Variants in TEKT5 observed in about 807,000 individuals in gnomAD.
The protein encoded by TEKT5 is tektin-5.
TEKT5 carries 52 observed loss-of-function variants against 48.7 expected under a neutral mutation model. The observed-to-expected ratio is 1.07, with a 90% CI of 0.86 to 1.35. The LOEUF is 1.35. Among genes scored for constraint, TEKT5 ranks in the 40% most tolerant of loss-of-function variants. The pLI, the probability that TEKT5 is intolerant of heterozygous loss-of-function variation, is 0.00. For missense variants in TEKT5, 831 were observed against 641.6 expected, an observed-to-expected ratio of 1.30 and a Z score of -3.19; for synonymous variants, 318 against 267.6, an observed-to-expected ratio of 1.19 and a Z score of -1.84.
intron 5 of TEKT5, among the ~76,000 whole-genome samples, chr16:10,645,204 C>T (rs1898052322): frequency 6.6e-6 from 1 of 152,178 alleles, no homozygotes; most frequent in Non-Finnish European, 1.5e-5. Flanking sequence ...ATGAGACATA[C>T]TGATGTTAAA....
chr16:10,671,055 A>C (rs908958607), intron 5 of TEKT5, among the ~76,000 whole-genome samples: 5 of 152,044 alleles, frequency 3.3e-5, no homozygotes, highest in Non-Finnish European at 7.4e-5. Context: ...TGCTCTCCCC[A>C]CCTCCATTCA....
At chr16:10,636,206 C>A (rs1476098534) in intron 5 of TEKT5, among the ~76,000 whole-genome samples, 1 of 152,094 alleles carries the variant, frequency 6.6e-6, no homozygotes, top group Non-Finnish European at 1.5e-5. Context: ...GAAACCCCGT[C>A]TCTACTAAAA....
At chr16:10,640,223 A>T (rs1444820489) in intron 5 of TEKT5, among the ~76,000 whole-genome samples, 1 of 147,950 alleles carries the variant, frequency 6.8e-6, no homozygotes, top group African/African-American at 2.5e-5. Flanking sequence ...GCTCACTGCA[A>T]CCTCTGCCTC....
chr16:10,694,270 C>T (rs1183224586), intron 1 of TEKT5, 40 bp downstream of exon 1: 2 of 1,517,628 alleles, frequency 1.3e-6, no homozygotes, highest in Non-Finnish European at 1.8e-6. Flanking sequence ...GCAGTATCCC[C>T]AGGACACAGC....
At chr16:10,644,495 C>T (rs1898041222) in intron 5 of TEKT5, among the ~76,000 whole-genome samples, 1 of 152,186 alleles carries the variant, frequency 6.6e-6, no homozygotes, top group Admixed American at 6.5e-5. Flanking sequence ...GCTTAAATGT[C>T]ACCTCCAAAG....
At chr16:10,642,327 C>T (rs1898006495) in intron 5 of TEKT5, among the ~76,000 whole-genome samples, 1 of 152,180 alleles carries the variant, frequency 6.6e-6, no homozygotes, top group Admixed American at 6.5e-5. Flanking sequence ...TCACTGTCCA[C>T]CAGGCCACAG....
At chr16:10,690,561 G>C (rs1898953902) in intron 1 of TEKT5, 1 of 984,948 alleles carries the variant, frequency 1.0e-6, no homozygotes, top group Non-Finnish European at 1.2e-6. Flanking sequence ...GGCTTGACAA[G>C]TGTAAATCAC....
rs558966899 is a variant in TEKT5 at position 10,680,900 on chromosome 16, C to A, written c.863+1093G>T. ...GGGAGGGATAGCATTAGGAGATATACCTAATGCTAGATGACGATTTAGTGG... is the reference window on the plus strand; with the variant it reads ...GGGAGGGATAGCATTAGGAGATATAACTAATGCTAGATGACGATTTAGTGG... On this transcript the variant is annotated intron_variant, in intron 4 of 6. Transcript: ENST00000283025. Among the ~76,000 whole-genome samples, 214 of 149,738 alleles carry A rather than the reference C, an allele frequency of 1.4e-3. 1 individual carries two copies. Among genetic ancestry groups the A allele is most frequent in the African/African-American group, 5.0e-3 (206 of 40,802 alleles).
chr16:10,660,384 C>T (rs1441434887), intron 5 of TEKT5, among the ~76,000 whole-genome samples: 2 of 152,116 alleles, frequency 1.3e-5, no homozygotes, highest in Admixed American at 1.3e-4. Flanking sequence ...CCCACCCCAC[C>T]CCCACCTGCT....
chr16:10,688,193 C>G (rs1175978471), intron 3 of TEKT5, among the ~76,000 whole-genome samples: 3 of 152,214 alleles, frequency 2.0e-5, no homozygotes, highest in African/African-American at 7.2e-5. Flanking sequence ...TTTCAGCCAT[C>G]ATCCCTCCTG....
chr16:10,674,211 CCT>C (rs1180727756), intron 5 of TEKT5, among the ~76,000 whole-genome samples: 1 of 152,106 alleles, frequency 6.6e-6, no homozygotes, highest in Non-Finnish European at 1.5e-5. Context: ...CGCTCAACTC[CCT>C]GTTGATCTGT....
At chr16:10,659,206 C>G (rs527256307) in intron 5 of TEKT5, among the ~76,000 whole-genome samples, 2 of 152,310 alleles carry the variant, frequency 1.3e-5, no homozygotes, top group African/African-American at 4.8e-5. Flanking sequence ...ACTGGTCACA[C>G]ATGTGCGCAC....
intron 5 of TEKT5, among the ~76,000 whole-genome samples, chr16:10,644,257 A>C (rs571616984): frequency 6.6e-6 from 1 of 152,188 alleles, no homozygotes; most frequent in Non-Finnish European, 1.5e-5. Context: ...TGAGTCAGTG[A>C]CTACTATTCC....
intron 4 of TEKT5, among the ~76,000 whole-genome samples, chr16:10,679,021 C>A (rs547382998): frequency 1.3e-5 from 2 of 152,274 alleles, no homozygotes; most frequent in Non-Finnish European, 2.9e-5. Flanking sequence ...CACAGCTCTG[C>A]CATTTGCTGT....
At chr16:10,647,484 A>T (rs1375195542) in intron 5 of TEKT5, among the ~76,000 whole-genome samples, 1 of 151,254 alleles carries the variant, frequency 6.6e-6, no homozygotes, top group Non-Finnish European at 1.5e-5. Context: ...AAAAAAAAAA[A>T]AAAAGCAGCA....
At chr16:10,652,181 T>C (rs2142275299) in intron 5 of TEKT5, among the ~76,000 whole-genome samples, 2 of 152,072 alleles carry the variant, frequency 1.3e-5, no homozygotes, top group Middle Eastern at 3.4e-3. Context: ...GACAGAACTC[T>C]CGAAAACCTT....
At chr16:10,643,364 G>A (rs1032358367) in intron 5 of TEKT5, among the ~76,000 whole-genome samples, 5 of 151,752 alleles carry the variant, frequency 3.3e-5, no homozygotes, top group Non-Finnish European at 7.4e-5. Context: ...GGGCGACAGA[G>A]CGAGACTCCG....
chr16:10,631,267 AAAAAAAG>A (rs930248536), intron 6 of TEKT5, among the ~76,000 whole-genome samples: 2 of 146,798 alleles, frequency 1.4e-5, no homozygotes, highest in African/African-American at 5.1e-5. Context: ...AAAAAAAAAA[AAAAAAAG>A]AGAGAGAGAG....
intron 5 of TEKT5, among the ~76,000 whole-genome samples, chr16:10,648,214 C>G (rs1044904511): frequency 2.0e-5 from 3 of 152,204 alleles, no homozygotes; most frequent in Non-Finnish European, 2.9e-5. Flanking sequence ...GAGTTTACTC[C>G]AGGCCAGGTC....
Sources: allele counts gnomAD v4.1 joint callset (sites outside exome capture counted in the v4.1 genomes callset), GRCh38; gene constraint gnomAD v4.1.1; transcripts MANE v1.5; gene names NCBI Gene and HGNC (gene_info 2026-07-23, HGNC 2026-07-21).